MYLK3: variants seen among roughly 807,000 people sequenced by gnomAD.
MYLK3 encodes myosin light chain kinase 3.
A neutral mutation model predicts 76.3 loss-of-function variants in MYLK3; 55 were observed. That is an observed-to-expected ratio of 0.72 (90% CI 0.58 to 0.90). The LOEUF (loss-of-function observed/expected upper bound fraction) is 0.90, where lower values mean the gene tolerates loss of function less well. MYLK3 is among the 40% of genes least tolerant of loss of function. The pLI is 0.00. For synonymous variants in MYLK3, 416 were observed against 425.4 expected, an observed-to-expected ratio of 0.98 and a Z score of 0.27; for missense variants, 973 against 1,053.6, an observed-to-expected ratio of 0.92 and a Z score of 1.06.
intron 4 of MYLK3, among the ~76,000 whole-genome samples, 173 bp from the exon 5 acceptor site, chr16:46,730,871 G>A (rs902249759): frequency 2.0e-5 from 3 of 152,208 alleles, no homozygotes; most frequent in Non-Finnish European, 2.9e-5. Flanking sequence ...CGGCAGAGAA[G>A]GGAGCCCGTG....
chr16:46,729,530 C>A, intron 6 of MYLK3, 64 bp downstream of exon 6: 1 of 1,419,552 alleles, frequency 7.0e-7, no homozygotes. Context: ...AGCCTGGGGG[C>A]CCTGAGGGAA....
chr16:46,742,799 G>A (rs1966955135), intron 1 of MYLK3, among the ~76,000 whole-genome samples: 1 of 152,208 alleles, frequency 6.6e-6, no homozygotes, highest in African/African-American at 2.4e-5. Context: ...ATGATCACCA[G>A]CGTCATCAAT....
At chr16:46,723,238 T>C (rs888564338) in intron 8 of MYLK3, among the ~76,000 whole-genome samples, 3 of 152,232 alleles carry the variant, frequency 2.0e-5, no homozygotes, top group Admixed American at 6.5e-5. Context: ...TCATAAAAGA[T>C]ATGGCCTTTC....
chr16:46,724,001 T>A (rs1332812325), intron 8 of MYLK3, among the ~76,000 whole-genome samples: 2 of 152,266 alleles, frequency 1.3e-5, no homozygotes, highest in Non-Finnish European at 2.9e-5. Flanking sequence ...GTCAGTCTAG[T>A]GGATATGAAA....
intron 3 of MYLK3, among the ~76,000 whole-genome samples, chr16:46,733,782 G>A (rs1046532429): frequency 2.6e-5 from 4 of 152,142 alleles, no homozygotes; most frequent in Non-Finnish European, 5.9e-5. Flanking sequence ...AGTGTCTGGC[G>A]GGGACTGAGT....
chr16:46,735,967 C>T (rs1200689316), intron 3 of MYLK3, among the ~76,000 whole-genome samples: 1 of 152,238 alleles, frequency 6.6e-6, no homozygotes, highest in Non-Finnish European at 1.5e-5. Context: ...CAGCTCAATG[C>T]CTCAGTAGTC....
Position 46,702,756 on chromosome 16 carries a change from C to G in MYLK3, c.*4948G>C, listed in dbSNP as rs552309286. Among the ~76,000 whole-genome samples, 3 of 152,106 alleles carry G rather than the reference C, an allele frequency of 2.0e-5. No individual in the cohort carries two copies. The highest frequency in any genetic ancestry group is 4.2e-4 in the South Asian group (2 of 4,816). ...CCAGCATGGTGAAAGCCCATCTCTA[C>G]TAAAAACACAAAAATTAGCTGGGCG... is the stretch of plus-strand genomic sequence containing the variant. On this transcript the variant is annotated 3_prime_UTR_variant, in exon 13 of 13. Transcript: ENST00000394809.
intron 10 of MYLK3, 39 bp downstream of exon 10, chr16:46,712,609 C>A: frequency 5.0e-6 from 7 of 1,403,620 alleles, no homozygotes; most frequent in South Asian, 1.7e-5. Context: ...GACAAATGAC[C>A]CCTGTCCCCA....
chr16:46,745,363 G>A (rs144103531), intron 1 of MYLK3, among the ~76,000 whole-genome samples: 135 of 152,258 alleles, frequency 8.9e-4, no homozygotes, highest in East Asian at 5.4e-3. Flanking sequence ...TATTCATAAC[G>A]ATATGAACAT....
At chr16:46,730,778 G>T (rs976572349) in intron 4 of MYLK3, 80 bp from the exon 5 acceptor site, 13 of 1,242,546 alleles carry the variant, frequency 1.0e-5, no homozygotes, top group Non-Finnish European at 1.5e-5. Context: ...GACCCACTTA[G>T]CTTCTCTTGG....
At chr16:46,748,527 T>C (rs1967070927), upstream of MYLK3, among the ~76,000 whole-genome samples, 1 of 152,136 alleles carries the variant, frequency 6.6e-6, no homozygotes, top group African/African-American at 2.4e-5. The surrounding 1 kb of genome is among the most constrained non-coding windows in gnomAD (Gnocchi z 4.3). Context: ...GTTAAGAATC[T>C]GCCCAGAGCC....
intron 8 of MYLK3, among the ~76,000 whole-genome samples, chr16:46,723,559 G>A (rs1966819900): frequency 6.6e-6 from 1 of 151,688 alleles, no homozygotes; most frequent in Non-Finnish European, 1.5e-5. Context: ...GCATTTTTAG[G>A]AACTGCCAAA....
rs903955717 is a variant in MYLK3, at chr16:46,732,286, A to T, written c.1384T>A (p.Cys462Ser). Residue 462 changes from cysteine (C) to serine (S), a missense_variant, in exon 4 of 13, where the codon TGT (cysteine) becomes AGT (serine). Around this residue, in one of 2 missense-constraint regions of MYLK3, gnomAD observed 641 missense variants for 637.0 expected, o/e 1.01. Transcript: ENST00000394809. ...GCTCTCACCGGAGCCCTGGCTGCAC[A>T]GTCCTGCTCAGGCTCAGGGTTTCCC... ...GAGNPEPEQD[C>S]AARAPVRAEA... is the part of the protein sequence containing the mutation. 1 of 1,608,658 alleles carries T rather than the reference A, an allele frequency of 6.2e-7. No homozygotes were observed. Among genetic ancestry groups the T allele is most frequent in the African/African-American group, 1.3e-5 (1 of 74,934 alleles).
chr16:46,763,122 C>T (rs1967301802), exon 1 of MYLK3: 1 of 982,856 alleles, frequency 1.0e-6, no homozygotes. Flanking sequence ...ATATTGTTAC[C>T]TCCATCTTAT....
intron 7 of MYLK3, 45 bp from the exon 8 acceptor site, chr16:46,727,422 C>T: frequency 1.3e-6 from 2 of 1,566,968 alleles, no homozygotes; most frequent in Non-Finnish European, 1.7e-6. Context: ...AAGCAAGGCT[C>T]TTCAGGGCTT....
intron 1 of MYLK3, chr16:46,757,376 C>T: frequency 3.0e-6 from 3 of 985,450 alleles, no homozygotes; most frequent in Non-Finnish European, 3.6e-6. Context: ...ACCAATTGTT[C>T]CTCAGGCTCT....
At position 46,702,423 on chromosome 16, in the gene MYLK3, A is replaced by T. The variant is rs1341460143; in HGVS notation, c.*5281T>A. On this transcript the variant is annotated 3_prime_UTR_variant, in exon 13 of 13. Coordinates refer to ENST00000394809, the MANE Select transcript of MYLK3 (RefSeq NM_182493.3). ...TAGACCCAAGTTATTAGATGTTGCC[A>T]TACTTGCTTAACTATACCTTCCTTT... is the stretch of plus-strand genomic sequence containing the variant. 6.6e-6 allele frequency among the ~76,000 whole-genome samples: 1 copy of T among 152,208 alleles called. No homozygotes were observed. Among genetic ancestry groups the T allele is most frequent in the African/African-American group, 2.4e-5 (1 of 41,464 alleles).
chr16:46,750,950 G>A (rs1488294289), upstream of MYLK3, among the ~76,000 whole-genome samples: 2 of 152,082 alleles, frequency 1.3e-5, no homozygotes, highest in South Asian at 2.1e-4. Context: ...CTGAGATCAC[G>A]CCATTGCACT....
At chr16:46,750,394 GGGTTAATA>G (rs1967107457), upstream of MYLK3, among the ~76,000 whole-genome samples, 3 of 152,204 alleles carry the variant, frequency 2.0e-5, no homozygotes, top group African/African-American at 7.2e-5. Flanking sequence ...GGCAAGTCCT[GGGTTAATA>G]AAGCCGGAAA....
Sources: gnomAD v4.1 joint callset for allele counts (sites outside exome capture counted in the v4.1 genomes callset) on GRCh38, gnomAD v4.1.1 for gene constraint, gnomAD v4.1.1 regional missense constraint, Gnocchi (gnomAD v3.1) non-coding constraint, MANE v1.5 for transcripts, NCBI Gene and HGNC (gene_info 2026-07-23, HGNC 2026-07-21) for gene names.